The following ZNF407 variants were observed in gnomAD, a reference collection of about 807,000 sequenced individuals.
ZNF407 encodes the protein zinc finger protein 407.
A neutral mutation model predicts 131.2 loss-of-function variants in ZNF407; 17 were observed. The ratio of observed to expected loss-of-function variants is 0.13; its 90% confidence interval spans 0.09 to 0.19. The LOEUF (loss-of-function observed/expected upper bound fraction) is 0.19, where lower values mean the gene tolerates loss of function less well. Ranked by LOEUF, ZNF407 falls within the 10% of genes least tolerant of loss-of-function variation. ZNF407 has a pLI of 1.00. For synonymous variants in ZNF407, 1,156 were observed against 1,062.0 expected, an observed-to-expected ratio of 1.09 and a Z score of -1.72; for missense variants, 2,681 against 2,830.6, an observed-to-expected ratio of 0.95 and a Z score of 1.20.
intron 8 of ZNF407, among the ~76,000 whole-genome samples, chr18:75,005,138 T>A (rs1972893229): frequency 6.6e-6 from 1 of 152,178 alleles, no homozygotes; most frequent in African/African-American, 2.4e-5. Flanking sequence ...AATGTATTTG[T>A]CAAGTGACTG....
chr18:74,649,272 G>A (rs1245107003), intron 3 of ZNF407, among the ~76,000 whole-genome samples: 2 of 152,164 alleles, frequency 1.3e-5, no homozygotes, highest in African/African-American at 2.4e-5. Context: ...TCATAATTAC[G>A]CTGTCACCAT....
intron 8 of ZNF407, among the ~76,000 whole-genome samples, chr18:75,037,540 A>G (rs574375711): frequency 6.6e-6 from 1 of 152,216 alleles, no homozygotes; most frequent in South Asian, 2.1e-4. Context: ...CGCCGCCGAA[A>G]ATAAAGATAT....
At chr18:74,650,902 G>A (rs1050628038) in intron 3 of ZNF407, among the ~76,000 whole-genome samples, 2 of 152,058 alleles carry the variant, frequency 1.3e-5, no homozygotes, top group African/African-American at 4.8e-5. Flanking sequence ...CTGTAGTGGA[G>A]GGGGCAAGAA....
chr18:74,954,179 A>G (rs1474905265), intron 8 of ZNF407, among the ~76,000 whole-genome samples: 4 of 152,048 alleles, frequency 2.6e-5, no homozygotes, highest in African/African-American at 9.7e-5. Context: ...TGCCAATTAG[A>G]AAAGCATTTT....
At chr18:74,928,693 T>C (rs1246733597) in intron 8 of ZNF407, among the ~76,000 whole-genome samples, 1 of 152,192 alleles carries the variant, frequency 6.6e-6, no homozygotes, top group Non-Finnish European at 1.5e-5. Flanking sequence ...TTTGTCAATC[T>C]TAAGATCTCT....
chr18:74,908,886 T>G (rs1168721794), intron 7 of ZNF407, among the ~76,000 whole-genome samples: 1 of 152,106 alleles, frequency 6.6e-6, no homozygotes, highest in East Asian at 1.9e-4. Context: ...TTTTTAGGAT[T>G]TATTTTTGCC....
At chr18:74,980,302 T>C (rs566573352) in intron 8 of ZNF407, among the ~76,000 whole-genome samples, 1 of 151,574 alleles carries the variant, frequency 6.6e-6, no homozygotes, top group South Asian at 2.1e-4. Context: ...CAGTGTTAAT[T>C]GCTGAATTTC....
chr18:74,701,581 G>C (rs1054505637), intron 3 of ZNF407, among the ~76,000 whole-genome samples: 31 of 152,006 alleles, frequency 2.0e-4, no homozygotes, highest in African/African-American at 7.3e-4. Context: ...AATCACCGAG[G>C]CCTCACTTCC....
chr18:74,667,950 C>T (rs1323942747), intron 3 of ZNF407, among the ~76,000 whole-genome samples: 1 of 151,960 alleles, frequency 6.6e-6, no homozygotes, highest in Non-Finnish European at 1.5e-5. Context: ...ATTTTGTTTA[C>T]TTTGAGAAAT....
At chr18:74,736,178 A>T (rs1968407617) in intron 3 of ZNF407, among the ~76,000 whole-genome samples, 1 of 152,038 alleles carries the variant, frequency 6.6e-6, no homozygotes, top group Non-Finnish European at 1.5e-5. Context: ...TTTTTTTTTA[A>T]TTTCAAGAAA....
At chr18:74,788,428 G>A (rs1386002441) in intron 4 of ZNF407, among the ~76,000 whole-genome samples, 1 of 152,052 alleles carries the variant, frequency 6.6e-6, no homozygotes, top group Admixed American at 6.6e-5. Context: ...TGGTCCAGTG[G>A]TGCTTTTTAC....
In ZNF407 at chr18:74,827,874, G is replaced by A. The variant is rs139293255; in HGVS notation, c.4877+46372G>A. On this transcript the variant is annotated intron_variant, in intron 4 of 8. Coordinates refer to ENST00000299687, the MANE Select transcript of ZNF407 (RefSeq NM_017757.3). ...ATTCCAATTCTGATCCGACCTCACA[G>A]GGTTAATTTTAGCTTTTAGCCTTCC... Among the ~76,000 whole-genome samples, 362 of 152,278 alleles carry A rather than the reference G, an allele frequency of 2.4e-3. 1 individual carries two copies. The highest frequency in any genetic ancestry group is 6.8e-3 in the Middle Eastern group (2 of 294).
intron 8 of ZNF407, among the ~76,000 whole-genome samples, chr18:74,998,616 A>G: frequency 6.6e-6 from 1 of 150,726 alleles, no homozygotes; most frequent in South Asian, 2.1e-4. Flanking sequence ...ATCACTGGCC[A>G]TCAGAGAAAT....
intron 4 of ZNF407, among the ~76,000 whole-genome samples, chr18:74,835,385 C>G (rs564912461): frequency 6.6e-6 from 1 of 152,248 alleles, no homozygotes; most frequent in African/African-American, 2.4e-5. Flanking sequence ...GTCAGTGTTG[C>G]ACAAGGTGTG....
At chr18:75,014,450 C>CT (rs1194906128) in intron 8 of ZNF407, among the ~76,000 whole-genome samples, 3 of 151,924 alleles carry the variant, frequency 2.0e-5, no homozygotes, top group Non-Finnish European at 2.9e-5. Flanking sequence ...TTTCCTCTTT[C>CT]TTTTTTTGTC....
intron 3 of ZNF407, among the ~76,000 whole-genome samples, chr18:74,687,162 A>G (rs1172815209): frequency 6.6e-6 from 1 of 152,212 alleles, no homozygotes; most frequent in Non-Finnish European, 1.5e-5. Context: ...AGCCTGGGCA[A>G]CATAAGGAGA....
chr18:74,766,227 G>A (rs916014144), intron 3 of ZNF407, among the ~76,000 whole-genome samples: 14 of 152,198 alleles, frequency 9.2e-5, no homozygotes, highest in African/African-American at 2.9e-4. Context: ...TGAGAAGTGA[G>A]GAGGGATGTG....
intron 4 of ZNF407, among the ~76,000 whole-genome samples, chr18:74,795,444 A>G (rs560946766): frequency 3.2e-4 from 48 of 152,356 alleles, no homozygotes; most frequent in African/African-American, 1.1e-3. Context: ...ATCTATTGAC[A>G]TTACAGCATT....
intron 8 of ZNF407, among the ~76,000 whole-genome samples, chr18:75,024,747 T>G (rs1451025966): frequency 1.3e-5 from 2 of 152,178 alleles, no homozygotes; most frequent in African/African-American, 4.8e-5. Flanking sequence ...GCGGTAAAAT[T>G]TATTTTACCA....
Sources: allele counts gnomAD v4.1 joint callset (sites outside exome capture counted in the v4.1 genomes callset), GRCh38; gene constraint gnomAD v4.1.1; transcripts MANE v1.5; gene names NCBI Gene and HGNC (gene_info 2026-07-23, HGNC 2026-07-21).